RPS6KC1: variants seen among roughly 807,000 people sequenced by gnomAD.
The protein encoded by RPS6KC1 is inactive ribosomal protein S6 kinase delta-1.
In RPS6KC1, 54 loss-of-function variants were observed where a neutral mutation model predicts 103.8. The ratio of observed to expected loss-of-function variants is 0.52; its 90% CI spans 0.42 to 0.65. The LOEUF (loss-of-function observed/expected upper bound fraction) is 0.65. Among genes scored for constraint, RPS6KC1 ranks in the 30% least tolerant of loss-of-function variants. RPS6KC1 has a pLI of 0.00. For missense variants in RPS6KC1, 1,151 were observed against 1,253.8 expected (o/e 0.92, Z 1.24); for synonymous variants, 439 against 438.7 (o/e 1.00, Z -0.01).
chr1:213,295,467 C>G, the RPS6KC1 span, among the ~76,000 whole-genome samples: 1 of 152,112 alleles, frequency 6.6e-6, no homozygotes, highest in Admixed American at 6.6e-5. Flanking sequence ...GATATCTTGT[C>G]ATATGTTTAT....
rs543462968 is a variant in RPS6KC1, at chr1:213,240,611, T to C, written c.1226-91T>C. The stretch of plus-strand genomic sequence containing the variant: ...TATTATTGACTTGTTTTGATTGATT[T>C]TTAAGATAGTTTTTGTTTTTCTAAT... On this transcript the variant is annotated intron_variant, in intron 10 of 14. Coordinates refer to ENST00000366960, the MANE Select transcript of RPS6KC1 (RefSeq NM_012424.6). 8.5e-6 allele frequency: 9 copies of C among 1,055,994 alleles called. 1 individual carries two copies. Among genetic ancestry groups the C allele is most frequent in the South Asian group, 8.0e-5 (5 of 62,622 alleles). The allele number at this position is 1,055,994 out of a possible 1,614,324, so 65.4% of individuals were successfully genotyped here. A position where few individuals can be genotyped will look rare whatever the true frequency, so the allele number is the denominator to read the frequency against.
the RPS6KC1 span, among the ~76,000 whole-genome samples, chr1:213,757,280 T>G: frequency 1.3e-5 from 2 of 152,140 alleles, no homozygotes; most frequent in Non-Finnish European, 2.9e-5. Context: ...TCTTGCACCA[T>G]TTAGCCAAGT....
At chr1:213,140,922 G>A (rs1421311613) in intron 6 of RPS6KC1, among the ~76,000 whole-genome samples, 1 of 135,966 alleles carries the variant, frequency 7.4e-6, no homozygotes, top group Non-Finnish European at 1.5e-5. Flanking sequence ...TTTTGAAACA[G>A]AGTTTCACTC....
chr1:213,687,435 C>CA, the RPS6KC1 span, among the ~76,000 whole-genome samples: 99 of 75,366 alleles, frequency 1.3e-3, no homozygotes, highest in Non-Finnish European at 2.3e-3. Context: ...GATGTCCACA[C>CA]CTACTTTTTA....
At chr1:213,364,889 C>G in the RPS6KC1 span, among the ~76,000 whole-genome samples, 2 of 151,828 alleles carry the variant, frequency 1.3e-5, no homozygotes, top group Non-Finnish European at 2.9e-5. Context: ...ACCCAGGAGG[C>G]GGAGGTTGCA....
chr1:213,635,822 T>G, the RPS6KC1 span, among the ~76,000 whole-genome samples: 4 of 152,132 alleles, frequency 2.6e-5, no homozygotes, highest in Non-Finnish European at 5.9e-5. Flanking sequence ...AAAGAGGAAG[T>G]CAAATTGTCC....
chr1:213,127,378 C>G, intron 5 of RPS6KC1, among the ~76,000 whole-genome samples: 1 of 152,158 alleles, frequency 6.6e-6, no homozygotes, highest in East Asian at 1.9e-4. Flanking sequence ...GAAACTGTTA[C>G]ATTTTGTTAA....
the RPS6KC1 span, among the ~76,000 whole-genome samples, chr1:213,702,954 C>A: frequency 3.3e-5 from 5 of 151,764 alleles, no homozygotes; most frequent in Non-Finnish European, 7.4e-5. Context: ...TAAGTAAGGA[C>A]TTACTCCTAC....
chr1:213,328,939 A>G, the RPS6KC1 span, among the ~76,000 whole-genome samples: 1 of 152,130 alleles, frequency 6.6e-6, no homozygotes, highest in Non-Finnish European at 1.5e-5. Flanking sequence ...TGCCCTTTTA[A>G]GGTGCATGTT....
the RPS6KC1 span, among the ~76,000 whole-genome samples, chr1:213,711,420 T>A: frequency 6.6e-6 from 1 of 152,198 alleles, no homozygotes; most frequent in Non-Finnish European, 1.5e-5. Context: ...TAACCTTTTA[T>A]CAAGATTCTT....
the RPS6KC1 span, among the ~76,000 whole-genome samples, chr1:213,583,638 C>T: frequency 7.9e-5 from 12 of 151,914 alleles, no homozygotes; most frequent in African/African-American, 1.4e-4. Context: ...CTGGTGAACA[C>T]GGTGAAACCC....
the RPS6KC1 span, among the ~76,000 whole-genome samples, chr1:213,547,913 T>G: frequency 6.6e-6 from 1 of 152,200 alleles, no homozygotes; most frequent in Non-Finnish European, 1.5e-5. Flanking sequence ...TATTCCTTTA[T>G]AGCAACACAG....
At chr1:213,679,775 G>A in the RPS6KC1 span, among the ~76,000 whole-genome samples, 1 of 152,192 alleles carries the variant, frequency 6.6e-6, no homozygotes, top group East Asian at 1.9e-4. Flanking sequence ...GTTAAAGAGA[G>A]CTTGCTACAT....
chr1:213,602,170 C>CTTTCTTTA, the RPS6KC1 span, among the ~76,000 whole-genome samples: 1 of 96,804 alleles, frequency 1.0e-5, no homozygotes, highest in African/African-American at 4.2e-5. Flanking sequence ...TTCTTTCTTT[C>CTTTCTTTA]TTTCTTTCTT....
intron 8 of RPS6KC1, among the ~76,000 whole-genome samples, chr1:213,212,266 CT>C (rs911438677): frequency 1.4e-4 from 21 of 149,888 alleles, no homozygotes; most frequent in South Asian, 6.4e-4. Flanking sequence ...AACCACTGAT[CT>C]TTTTTTTTTC....
At chr1:213,825,079 G>C in the RPS6KC1 span, among the ~76,000 whole-genome samples, 1 of 152,182 alleles carries the variant, frequency 6.6e-6, no homozygotes, top group African/African-American at 2.4e-5. Flanking sequence ...CAAGCAAAAA[G>C]ATAAATGGAA....
chr1:213,744,509 C>G, the RPS6KC1 span, among the ~76,000 whole-genome samples: 147 of 152,310 alleles, frequency 9.7e-4, 1 homozygote, highest in African/African-American at 3.4e-3. Flanking sequence ...AGTTCTGAAG[C>G]AATGTCCTAC....
the RPS6KC1 span, among the ~76,000 whole-genome samples, chr1:213,844,990 C>T: frequency 6.6e-6 from 1 of 152,004 alleles, no homozygotes; most frequent in African/African-American, 2.4e-5. Flanking sequence ...TGCATTCAGC[C>T]TGAAGAAACT....
At chr1:213,519,133 C>T in the RPS6KC1 span, among the ~76,000 whole-genome samples, 1 of 152,156 alleles carries the variant, frequency 6.6e-6, no homozygotes, top group East Asian at 1.9e-4. Flanking sequence ...ACTGTTATTC[C>T]ACCCTGGAAC....
Sources: allele counts gnomAD v4.1 joint callset (sites outside exome capture counted in the v4.1 genomes callset), GRCh38; gene constraint gnomAD v4.1.1; transcripts MANE v1.5; gene names NCBI Gene and HGNC (gene_info 2026-07-23, HGNC 2026-07-21).